GMDS: variants seen among roughly 807,000 people sequenced by gnomAD.
The protein encoded by GMDS is GDP-mannose 4,6-dehydratase.
A neutral mutation model predicts 49.9 loss-of-function variants in GMDS; 20 were observed. The observed-to-expected ratio is 0.40, with a 90% CI of 0.28 to 0.58. The LOEUF is 0.58. Among genes scored for constraint, GMDS ranks in the 20% least tolerant of loss-of-function variants. GMDS has a pLI of 0.42. For synonymous variants in GMDS, 177 were observed against 178.6 expected (o/e 0.99, Z 0.07); for missense variants, 362 against 481.4 (o/e 0.75, Z 2.32).
intron 1 of GMDS, among the ~76,000 whole-genome samples, chr6:2,227,751 T>C (rs895447513): frequency 2.6e-5 from 4 of 152,118 alleles, no homozygotes; most frequent in Admixed American, 1.3e-4. Flanking sequence ...TGGGTCACAA[T>C]AGCAGCTGAA....
chr6:2,073,364 A>C (rs995763786), intron 4 of GMDS, among the ~76,000 whole-genome samples: 1 of 152,192 alleles, frequency 6.6e-6, no homozygotes, highest in African/African-American at 2.4e-5. Context: ...AAAACAAACA[A>C]AAACTTTTGT....
chr6:1,705,797 T>A (rs1435379784), intron 9 of GMDS, among the ~76,000 whole-genome samples: 1 of 151,768 alleles, frequency 6.6e-6, no homozygotes. Flanking sequence ...GGAGGAGAGG[T>A]AGCTTCAGGA....
At position 2,142,555 on chromosome 6, in the gene GMDS, G is replaced by A. The variant is rs115955115; in HGVS notation, c.103-17824C>T. 5.7e-3 allele frequency among the ~76,000 whole-genome samples: 864 copies of A among 152,282 alleles called. 2 individuals carry two copies. Among genetic ancestry groups the A allele is most frequent in the Middle Eastern group, 0.017 (5 of 294 alleles). On this transcript the variant is annotated intron_variant, in intron 1 of 10. Coordinates refer to ENST00000380815, the MANE Select transcript of GMDS (RefSeq NM_001500.4). ...AGAAAACCACCAGCGGCAAGGTAAGGGGCCTGGAACAGATCCTTCCCTCAC... is the reference window on the plus strand; with the variant it reads ...AGAAAACCACCAGCGGCAAGGTAAGAGGCCTGGAACAGATCCTTCCCTCAC...
chr6:2,072,069 A>ATG (rs879294921), intron 4 of GMDS, among the ~76,000 whole-genome samples: 2 of 152,048 alleles, frequency 1.3e-5, no homozygotes, highest in East Asian at 1.9e-4. Context: ...GCGTGTGTGC[A>ATG]TGTGTGTGTG....
In GMDS at chr6:1,778,701, G is replaced by A. The variant is rs1052380358; in HGVS notation, c.772-36115C>T. Among the ~76,000 whole-genome samples the A allele has an allele frequency of 1.3e-5, 2 of 151,996 alleles. No homozygotes were observed. The highest frequency in any genetic ancestry group is 1.3e-4 in the Admixed American group (2 of 15,280). ...CATTATTTTTGTCTGTCACTGGAGG[G>A]AACTTTCCCTTCCTGCCAGCCAGGA... On this transcript the variant is annotated intron_variant, in intron 7 of 10. Coordinates refer to ENST00000380815, the MANE Select transcript of GMDS (RefSeq NM_001500.4). The surrounding 1 kb of genome is among the most constrained non-coding windows in gnomAD (Gnocchi z 4.6).
chr6:2,042,489 A>T (rs1205592446), intron 4 of GMDS, among the ~76,000 whole-genome samples: 1 of 152,104 alleles, frequency 6.6e-6, no homozygotes, highest in African/African-American at 2.4e-5. Flanking sequence ...TACAGGCTAT[A>T]CACCTCTCTC....
chr6:1,968,189 A>G (rs958810387), intron 4 of GMDS, among the ~76,000 whole-genome samples: 1 of 152,250 alleles, frequency 6.6e-6, no homozygotes, highest in South Asian at 2.1e-4. Flanking sequence ...ACCAAGTAGG[A>G]TAAGATAAAT....
intron 8 of GMDS, among the ~76,000 whole-genome samples, chr6:1,738,207 A>G (rs1767125318): frequency 6.6e-6 from 1 of 151,684 alleles, no homozygotes; most frequent in South Asian, 2.1e-4. Context: ...ACACACACAT[A>G]CACACACACA....
At chr6:2,128,121 A>G (rs1376065041) in intron 1 of GMDS, among the ~76,000 whole-genome samples, 1 of 151,794 alleles carries the variant, frequency 6.6e-6, no homozygotes, top group African/African-American at 2.4e-5. Context: ...TAAATGCCAT[A>G]CTATTTTGAG....
intron 4 of GMDS, among the ~76,000 whole-genome samples, chr6:1,992,147 C>G (rs1321857843): frequency 6.6e-6 from 1 of 152,216 alleles, no homozygotes; most frequent in Non-Finnish European, 1.5e-5. Context: ...TGTACCTGAG[C>G]ATATATTCTG....
At chr6:1,887,887 T>C (rs1284824205) in intron 7 of GMDS, among the ~76,000 whole-genome samples, 3 of 152,206 alleles carry the variant, frequency 2.0e-5, no homozygotes, top group Non-Finnish European at 4.4e-5. Flanking sequence ...TTACCCATAA[T>C]ACTAAATACA....
At chr6:1,973,932 T>C (rs574682316) in intron 4 of GMDS, among the ~76,000 whole-genome samples, 3 of 152,300 alleles carry the variant, frequency 2.0e-5, no homozygotes, top group Admixed American at 6.5e-5. Flanking sequence ...GAAGTAGAGC[T>C]AAGGCTTCTA....
At chr6:1,801,927 C>T (rs192595473) in intron 7 of GMDS, among the ~76,000 whole-genome samples, 36 of 152,302 alleles carry the variant, frequency 2.4e-4, no homozygotes, top group African/African-American at 8.7e-4. Flanking sequence ...TCATCTAATG[C>T]TACCCTCCCA....
intron 7 of GMDS, among the ~76,000 whole-genome samples, chr6:1,880,502 C>T (rs541092192): frequency 1.3e-5 from 2 of 152,170 alleles, no homozygotes; most frequent in South Asian, 2.1e-4. Flanking sequence ...AAGTGAGCTA[C>T]GTTGAGGGCT....
intron 4 of GMDS, among the ~76,000 whole-genome samples, chr6:2,085,548 T>A (rs972439948): frequency 2.0e-5 from 3 of 152,122 alleles, no homozygotes; most frequent in African/African-American, 4.8e-5. Flanking sequence ...TATTTTTTTT[T>A]AAACAGGGTC....
chr6:1,653,121 G>A (rs1250239707), intron 9 of GMDS, among the ~76,000 whole-genome samples: 1 of 150,112 alleles, frequency 6.7e-6, no homozygotes, highest in Admixed American at 6.6e-5. Context: ...CCCGTGGCAC[G>A]TCCCCAAGGT....
chr6:2,128,150 C>T (rs540856410), intron 1 of GMDS, among the ~76,000 whole-genome samples: 1 of 150,970 alleles, frequency 6.6e-6, no homozygotes, highest in East Asian at 1.9e-4. Context: ...ATGGCTTTAA[C>T]ATTTTCAAGA....
intron 7 of GMDS, among the ~76,000 whole-genome samples, chr6:1,755,215 C>T (rs911538955): frequency 6.6e-6 from 1 of 152,240 alleles, no homozygotes; most frequent in African/African-American, 2.4e-5. Flanking sequence ...GCAAAAATCA[C>T]AAGCATTCCT....
At chr6:2,067,121 C>G (rs1327186233) in intron 4 of GMDS, among the ~76,000 whole-genome samples, 1 of 151,112 alleles carries the variant, frequency 6.6e-6, no homozygotes, top group Non-Finnish European at 1.5e-5. Flanking sequence ...CACTCAAAAC[C>G]GCTCAACTAC....
Sources: gnomAD v4.1 joint callset for allele counts (sites outside exome capture counted in the v4.1 genomes callset) on GRCh38, gnomAD v4.1.1 for gene constraint, Gnocchi (gnomAD v3.1) non-coding constraint, MANE v1.5 for transcripts, NCBI Gene and HGNC (gene_info 2026-07-23, HGNC 2026-07-21) for gene names.